TANC2: variants seen among roughly 807,000 people sequenced by gnomAD.
TANC2 encodes the protein tetratricopeptide repeat, ankyrin repeat and coiled-coil containing 2.
In TANC2, 26 loss-of-function variants were observed where a neutral mutation model predicts 210.5. The ratio of observed to expected loss-of-function variants is 0.12; its 90% CI spans 0.09 to 0.17. The LOEUF is 0.17. TANC2 is among the 10% of genes least tolerant of loss of function. TANC2 has a pLI of 1.00. For missense variants in TANC2, 2,129 were observed against 2,608.9 expected (o/e 0.82, Z 4.01); for synonymous variants, 931 against 967.1 (o/e 0.96, Z 0.69).
At chr17:63,393,381 C>T (rs1411905354) in intron 17 of TANC2, 1 of 152,166 alleles carries the variant, frequency 6.6e-6, no homozygotes, top group Non-Finnish European at 1.5e-5. Flanking sequence ...ACACACTGAC[C>T]ATATATCAGT....
chr17:63,202,992 C>T (rs997008668), intron 7 of TANC2, among the ~76,000 whole-genome samples: 4 of 152,086 alleles, frequency 2.6e-5, no homozygotes, highest in Non-Finnish European at 5.9e-5. Flanking sequence ...ATTTTACCTG[C>T]GAACACTTAG....
intron 4 of TANC2, among the ~76,000 whole-genome samples, chr17:63,115,047 C>T (rs1051282011): frequency 1.3e-5 from 2 of 152,158 alleles, no homozygotes; most frequent in African/African-American, 2.4e-5. Flanking sequence ...CAAAGATCTG[C>T]TCAACATGAC....
At chr17:63,125,470 A>T (rs896424479) in intron 4 of TANC2, among the ~76,000 whole-genome samples, 4 of 152,108 alleles carry the variant, frequency 2.6e-5, no homozygotes, top group Admixed American at 2.6e-4. Flanking sequence ...TTTTTAAGTG[A>T]GCAGAGAGTA....
intron 11 of TANC2, among the ~76,000 whole-genome samples, chr17:63,319,946 ACTG>A (rs997688742): frequency 6.6e-6 from 1 of 152,166 alleles, no homozygotes; most frequent in African/African-American, 2.4e-5. Flanking sequence ...CTATTCGTAT[ACTG>A]CTAAAATTTT....
intron 3 of TANC2, among the ~76,000 whole-genome samples, chr17:63,093,724 T>A (rs1380032024): frequency 6.6e-6 from 1 of 152,188 alleles, no homozygotes; most frequent in Non-Finnish European, 1.5e-5. Flanking sequence ...GACATAGTGT[T>A]ATGGAGTCTT....
chr17:63,168,805 T>C (rs2040301169), intron 5 of TANC2, among the ~76,000 whole-genome samples: 1 of 152,132 alleles, frequency 6.6e-6, no homozygotes, highest in Non-Finnish European at 1.5e-5. Context: ...AGAATGAAAA[T>C]ATCCGTTACT....
intron 7 of TANC2, among the ~76,000 whole-genome samples, chr17:63,219,441 A>G (rs2145919627): frequency 6.6e-6 from 1 of 151,830 alleles, no homozygotes. Context: ...TCCCTAAGAA[A>G]AAGTTTTTCA....
At chr17:62,968,838 G>A (rs1041131285) in intron 1 of TANC2, among the ~76,000 whole-genome samples, 3 of 152,192 alleles carry the variant, frequency 2.0e-5, no homozygotes, top group Admixed American at 1.3e-4. Flanking sequence ...TTTAAATATA[G>A]GTAGCATTTG....
intron 1 of TANC2, among the ~76,000 whole-genome samples, chr17:62,972,847 T>C (rs2031781807): frequency 6.6e-6 from 1 of 152,130 alleles, no homozygotes; most frequent in African/African-American, 2.4e-5. Context: ...TTTATGAAGT[T>C]CTTTTTTTCA....
At chr17:63,355,294 G>T (rs775421108) in exon 14 of TANC2, 3 of 1,612,866 alleles carry the variant, frequency 1.9e-6, no homozygotes, top group Non-Finnish European at 2.5e-6. Context: ...CTAATCAAGC[G>T]CAGAGACATG....
At chr17:63,359,342 A>G (rs1390602724) in intron 14 of TANC2, among the ~76,000 whole-genome samples, 1 of 140,178 alleles carries the variant, frequency 7.1e-6, no homozygotes, top group East Asian at 2.0e-4. Context: ...GAGCTACTGC[A>G]CCAGCATTTT....
At chr17:63,240,154 C>G (rs1352693003) in intron 8 of TANC2, among the ~76,000 whole-genome samples, 1 of 152,174 alleles carries the variant, frequency 6.6e-6, no homozygotes, top group East Asian at 1.9e-4. Flanking sequence ...TAAATCCTTG[C>G]TCGTATATAA....
Position 63,098,268 on chromosome 17 carries a change from C to T in TANC2, c.140-907C>T, listed in dbSNP as rs147837639. Among the ~76,000 whole-genome samples, 373 of 152,014 alleles carry T rather than the reference C, an allele frequency of 2.5e-3. 1 individual carries two copies. Among genetic ancestry groups the T allele is most frequent in the Non-Finnish European group, 4.4e-3 (297 of 67,942 alleles). ...GTAGGCACTGTCAATGCAAAACTGTCTTAATTTAATTTTATGGGAAATATT... is the reference window on the plus strand; with the variant it reads ...GTAGGCACTGTCAATGCAAAACTGTTTTAATTTAATTTTATGGGAAATATT... On this transcript the variant is annotated intron_variant, in intron 3 of 27. Transcript: ENST00000689528.
intron 4 of TANC2, among the ~76,000 whole-genome samples, chr17:63,147,354 AAAAAAAG>A (rs1367432631): frequency 6.6e-6 from 1 of 151,978 alleles, no homozygotes; most frequent in African/African-American, 2.4e-5. Flanking sequence ...TGTCTCACAA[AAAAAAAG>A]AAAAAAGAAA....
chr17:62,988,047 G>T (rs151245483), intron 1 of TANC2, among the ~76,000 whole-genome samples: 1 of 152,146 alleles, frequency 6.6e-6, no homozygotes, highest in South Asian at 2.1e-4. Context: ...TGCTTGATGA[G>T]AGTAATAATT....
intron 1 of TANC2, among the ~76,000 whole-genome samples, chr17:63,002,925 T>C (rs1457158913): frequency 6.6e-6 from 1 of 152,230 alleles, no homozygotes; most frequent in South Asian, 2.1e-4. Context: ...AAATCTGTTA[T>C]GAAAATTGTT....
At chr17:63,100,738 G>T (rs1021315311) in intron 4 of TANC2, among the ~76,000 whole-genome samples, 3 of 152,228 alleles carry the variant, frequency 2.0e-5, no homozygotes, top group East Asian at 1.9e-4. Context: ...TAGAGATACC[G>T]CTTTCCTATC....
intron 9 of TANC2, among the ~76,000 whole-genome samples, chr17:63,311,431 C>T (rs1279756209): frequency 6.6e-6 from 1 of 152,048 alleles, no homozygotes. Flanking sequence ...ATATATGGTA[C>T]AGGCAAAACT....
At chr17:63,255,610 ATAG>A (rs1174406778) in intron 8 of TANC2, among the ~76,000 whole-genome samples, 5 of 152,250 alleles carry the variant, frequency 3.3e-5, no homozygotes, top group Admixed American at 2.6e-4. Flanking sequence ...ATAGTTGCTC[ATAG>A]TAGTCTCTAA....
Sources: gnomAD v4.1 joint callset for allele counts (sites outside exome capture counted in the v4.1 genomes callset) on GRCh38, gnomAD v4.1.1 for gene constraint, MANE v1.5 for transcripts, NCBI Gene and HGNC (gene_info 2026-07-23, HGNC 2026-07-21) for gene names.